The following NFIB variants were observed in gnomAD, a reference collection of about 807,000 sequenced individuals.
NFIB encodes nuclear factor 1 B-type.
NFIB carries 11 observed loss-of-function variants against 61.5 expected under a neutral mutation model. That is an observed-to-expected ratio of 0.18 (90% CI 0.11 to 0.30). The LOEUF (loss-of-function observed/expected upper bound fraction) is 0.30, where lower values mean the gene tolerates loss of function less well. Ranked by LOEUF, NFIB falls within the 10% of genes least tolerant of loss-of-function variation. The pLI, the probability that NFIB is intolerant of heterozygous loss-of-function variation, is 1.00. For missense variants in NFIB, 471 were observed against 608.9 expected, an observed-to-expected ratio of 0.77 and a Z score of 2.38; for synonymous variants, 260 against 216.5, an observed-to-expected ratio of 1.20 and a Z score of -1.76.
Position 14,115,284 on chromosome 9 carries a change from C to T in NFIB, c.1384+924G>A, listed in dbSNP as rs577020931. The stretch of plus-strand genomic sequence containing the variant: ...TCAAGATCATGGGGATTTTCTTGCT[C>T]TAAGAAAGAAAAAAAAAAGGTTTGA... On this transcript the variant is annotated intron_variant, in intron 9 of 10. Transcript: ENST00000380953. 2.5e-5 allele frequency among the ~76,000 whole-genome samples: 3 copies of T among 121,820 alleles called. No homozygotes were observed. In the South Asian group the frequency reaches 1.0e-3, roughly 42 times the overall value. 79.9% of individuals were successfully genotyped at this position (121,820 alleles called of 152,430 possible). A position where few individuals can be genotyped will look rare whatever the true frequency, so the allele number is the denominator to read the frequency against.
In NFIB at chr9:14,179,784, T is replaced by C. The variant is rs1237891610; in HGVS notation, c.563-4A>G. The C allele has an allele frequency of 8.1e-6, 13 of 1,612,998 alleles. No individual in the cohort carries two copies. Among genetic ancestry groups the C allele is most frequent in the African/African-American group, 1.3e-5 (1 of 75,008 alleles). On this transcript the variant is annotated splice_polypyrimidine_tract_variant and splice_region_variant and intron_variant, in intron 2 of 10. Transcript: ENST00000380953. ...GGACTTCCTGATTGTCCAGAATCTG[T>C]AAAGAAATCACAGAAAATGTTTTCT... is the stretch of plus-strand genomic sequence containing the variant.
chr9:14,406,807 A>T, the NFIB span, among the ~76,000 whole-genome samples: 31,006 of 152,132 alleles, frequency 0.2, 3,735 homozygotes, highest in Non-Finnish European at 0.28. Context: ...GGTCAAGGTG[A>T]TCCTGGAAGT....
intron 2 of NFIB, among the ~76,000 whole-genome samples, chr9:14,269,057 T>A (rs994247615): frequency 6.6e-6 from 1 of 151,936 alleles, no homozygotes; most frequent in African/African-American, 2.4e-5. Flanking sequence ...CTAGTACATA[T>A]GAGTAAATAT....
chr9:14,420,445 C>CAAAAAAAAAAAAAAAAAAAAAAAAA, the NFIB span, among the ~76,000 whole-genome samples: 14 of 42,426 alleles, frequency 3.3e-4, no homozygotes, highest in African/African-American at 6.7e-4. Flanking sequence ...GACTCCGTCT[C>CAAAAAAAAAAAAAAAAAAAAAAAAA]AAAAAAAAAA....
intron 2 of NFIB, among the ~76,000 whole-genome samples, chr9:14,246,571 GA>G (rs766145304): frequency 2.0e-5 from 3 of 152,212 alleles, no homozygotes; most frequent in Non-Finnish European, 4.4e-5. Context: ...TTTGTAGAGT[GA>G]ATGCCCATAT....
chr9:14,438,731 C>A, the NFIB span, among the ~76,000 whole-genome samples: 10 of 152,118 alleles, frequency 6.6e-5, no homozygotes, highest in Non-Finnish European at 1.3e-4. Context: ...TGGGCCAGGC[C>A]TCTATTTGGA....
At chr9:14,145,350 T>C (rs902431633) in intron 6 of NFIB, among the ~76,000 whole-genome samples, 2 of 152,132 alleles carry the variant, frequency 1.3e-5, no homozygotes, top group Non-Finnish European at 2.9e-5. Context: ...AGTTAAAATC[T>C]CAAGGAGATT....
chr9:14,093,635 A>G (rs58501794), intron 10 of NFIB, among the ~76,000 whole-genome samples: 139 of 152,192 alleles, frequency 9.1e-4, no homozygotes, highest in African/African-American at 3.1e-3. Flanking sequence ...TTCCTTGGCT[A>G]AACACTCTAA....
intron 1 of NFIB, among the ~76,000 whole-genome samples, chr9:14,388,214 A>G (rs988467600): frequency 4.6e-5 from 7 of 152,240 alleles, no homozygotes; most frequent in South Asian, 2.1e-4. Context: ...TTCAGTAAGA[A>G]AAGAAAAATG....
intron 2 of NFIB, among the ~76,000 whole-genome samples, chr9:14,253,065 A>T (rs2055833951): frequency 6.6e-6 from 1 of 152,224 alleles, no homozygotes; most frequent in Non-Finnish European, 1.5e-5. Context: ...ATTTTCATTC[A>T]TTCCATCCAT....
At chr9:14,529,435 T>C in the NFIB span, among the ~76,000 whole-genome samples, 2 of 152,088 alleles carry the variant, frequency 1.3e-5, no homozygotes, top group Admixed American at 1.3e-4. Context: ...ATTATAAAAA[T>C]AAAAGAATCA....
Position 14,213,237 on chromosome 9 carries a change from C to T in NFIB, c.563-33457G>A, listed in dbSNP as rs546112543. Among the ~76,000 whole-genome samples, 3 of 152,274 alleles carry T rather than the reference C, an allele frequency of 2.0e-5. No individual in the cohort carries two copies. The East Asian group carries it at 5.8e-4, about 29-fold the overall frequency. ...TAACTGGTATTTCTTGATTACCATC[C>T]ACCAGTAGGTTGATCTTTGGAAAGT... On this transcript the variant is annotated intron_variant, in intron 2 of 10. Transcript: ENST00000380953.
the NFIB span, among the ~76,000 whole-genome samples, chr9:14,504,565 T>G: frequency 6.6e-6 from 1 of 152,218 alleles, no homozygotes; most frequent in Non-Finnish European, 1.5e-5. Flanking sequence ...GCTGTATTCC[T>G]AAGTATTTTA....
chr9:14,452,876 T>C, the NFIB span, among the ~76,000 whole-genome samples: 7,049 of 152,288 alleles, frequency 0.046, 180 homozygotes, highest in Non-Finnish European at 0.054. Context: ...TCCTATTAGT[T>C]TGGACCACAC....
intron 2 of NFIB, among the ~76,000 whole-genome samples, chr9:14,248,165 C>T (rs975269543): frequency 3.3e-5 from 5 of 151,646 alleles, no homozygotes; most frequent in African/African-American, 1.2e-4. Context: ...AACTCCTGGC[C>T]TCAGCAATCC....
chr9:14,089,364 T>TAAAAA (rs577188593), intron 10 of NFIB, among the ~76,000 whole-genome samples: 1 of 134,622 alleles, frequency 7.4e-6, no homozygotes, highest in African/African-American at 2.7e-5. Flanking sequence ...TACAGGCTGT[T>TAAAAA]AAAAAAAAAA....
intron 10 of NFIB, among the ~76,000 whole-genome samples, chr9:14,112,332 C>G (rs2037502161): frequency 6.6e-6 from 1 of 152,140 alleles, no homozygotes; most frequent in South Asian, 2.1e-4. Flanking sequence ...TTATAAGCCA[C>G]CATTAATCCT....
the NFIB span, among the ~76,000 whole-genome samples, chr9:14,458,282 T>C: frequency 1.3e-5 from 2 of 152,292 alleles, no homozygotes; most frequent in Admixed American, 6.5e-5. Flanking sequence ...ATTATCTCAA[T>C]AGATGCAGAA....
At chr9:14,124,217 C>T (rs1325833617) in intron 7 of NFIB, among the ~76,000 whole-genome samples, 1 of 151,994 alleles carries the variant, frequency 6.6e-6, no homozygotes, top group Admixed American at 6.6e-5. Context: ...CTTTTTTTCA[C>T]GTTAGAAATA....
Sources: gnomAD v4.1 joint callset for allele counts (sites outside exome capture counted in the v4.1 genomes callset) on GRCh38, gnomAD v4.1.1 for gene constraint, MANE v1.5 for transcripts, NCBI Gene and HGNC (gene_info 2026-07-23, HGNC 2026-07-21) for gene names.